PEX5L: variants seen among roughly 807,000 people sequenced by gnomAD.
The protein encoded by PEX5L is PEX5-related protein.
Under a neutral mutation model 84.0 loss-of-function variants are expected in PEX5L, and 30 were observed. That is an observed-to-expected ratio of 0.36 (90% CI 0.27 to 0.48). PEX5L has a LOEUF of 0.48. Among genes scored for constraint, PEX5L ranks in the 20% least tolerant of loss-of-function variants. PEX5L has a pLI of 0.99. For synonymous variants in PEX5L, 270 were observed against 283.1 expected (o/e 0.95, Z 0.46); for missense variants, 533 against 754.6 (o/e 0.71, Z 3.44).
At chr3:179,957,145 G>A (rs939670729) in intron 2 of PEX5L, among the ~76,000 whole-genome samples, 16 of 102,400 alleles carry the variant, frequency 1.6e-4, no homozygotes, top group African/African-American at 5.7e-4. Flanking sequence ...AATGCACACC[G>A]ACTGCGACTA....
chr3:179,876,594 A>C (rs1032854912), intron 5 of PEX5L, among the ~76,000 whole-genome samples: 1 of 152,126 alleles, frequency 6.6e-6, no homozygotes, highest in Non-Finnish European at 1.5e-5. Context: ...CAAATTGACC[A>C]CTTAAACCAT....
At chr3:179,848,936 A>G (rs1740702572) in intron 8 of PEX5L, among the ~76,000 whole-genome samples, 1 of 152,208 alleles carries the variant, frequency 6.6e-6, no homozygotes, top group African/African-American at 2.4e-5. Flanking sequence ...CATAGAATGG[A>G]GCAAGAATTG....
At chr3:179,828,064 C>T (rs1245983918) in intron 8 of PEX5L, among the ~76,000 whole-genome samples, 1 of 152,128 alleles carries the variant, frequency 6.6e-6, no homozygotes, top group Non-Finnish European at 1.5e-5. Context: ...ATCACCTGGC[C>T]TGCCTTCAGC....
intron 8 of PEX5L, among the ~76,000 whole-genome samples, chr3:179,854,500 A>G (rs1743155846): frequency 6.6e-6 from 1 of 152,210 alleles, no homozygotes; most frequent in Non-Finnish European, 1.5e-5. Flanking sequence ...TCTCTGACTG[A>G]CATCAAGACC....
At chr3:179,993,755 G>A (rs956103818) in intron 1 of PEX5L, among the ~76,000 whole-genome samples, 1 of 151,994 alleles carries the variant, frequency 6.6e-6, no homozygotes, top group East Asian at 1.9e-4. Flanking sequence ...TGCCCGCCTC[G>A]ACCTCCCAAA....
Position 179,801,069 on chromosome 3 carries a change from T to A in PEX5L, c.*759A>T, listed in dbSNP as rs1480892923. 6.6e-6 allele frequency: 1 copy of A among 152,646 alleles called. No individual in the cohort carries two copies. Among genetic ancestry groups the A allele is most frequent in the Non-Finnish European group, 1.5e-5 (1 of 68,040 alleles). The allele number at this position is 152,646 out of a possible 1,614,324, so 9.5% of individuals were successfully genotyped here. A position where few individuals can be genotyped will look rare whatever the true frequency, so the allele number is the denominator to read the frequency against. On this transcript the variant is annotated 3_prime_UTR_variant, in exon 15 of 15. Coordinates refer to ENST00000467460, the MANE Select transcript of PEX5L (RefSeq NM_016559.3). ...TTCAAAATCCTACACTATGAAAAACTGTCTTCAGGAATTGTTTATTTGGTC... is the reference window on the plus strand; with the variant it reads ...TTCAAAATCCTACACTATGAAAAACAGTCTTCAGGAATTGTTTATTTGGTC...
intron 3 of PEX5L, among the ~76,000 whole-genome samples, chr3:179,890,839 T>C (rs9836256): frequency 0.41 from 62,067 of 151,846 alleles, 13,164 homozygotes; most frequent in Non-Finnish European, 0.47. Flanking sequence ...AAAACTATAG[T>C]CTAAATTTGA....
At chr3:179,879,310 G>A (rs1753442654) in intron 5 of PEX5L, among the ~76,000 whole-genome samples, 1 of 152,214 alleles carries the variant, frequency 6.6e-6, no homozygotes, top group African/African-American at 2.4e-5. Context: ...GGGCTTTGAG[G>A]TTGACTAGAA....
Position 179,801,861 on chromosome 3 carries a change from A to G in PEX5L, c.1848T>C (p.Asp616=). ...CCAAGTTGAAAGCTCTTAAGAGGAC[A>G]TCCAGGTCACCAAGATTAGCCGCCT... ...LFQAANLGDL[D]VLLRAFNLDP Residue 616 remains aspartate, a synonymous_variant, in exon 15 of 15, where the codon GAT becomes GAC. Transcript: ENST00000467460. The G allele has an allele frequency of 6.2e-7, 1 of 1,613,828 alleles. No individual in the cohort carries two copies. The highest frequency in any genetic ancestry group is 8.5e-7 in the Non-Finnish European group (1 of 1,179,696).
At chr3:179,959,014 G>C (rs4855128) in intron 2 of PEX5L, among the ~76,000 whole-genome samples, 59,933 of 150,828 alleles carry the variant, frequency 0.4, 14,290 homozygotes, top group East Asian at 0.89. Context: ...ACGACAGAGC[G>C]AGACTCCATC....
intron 2 of PEX5L, among the ~76,000 whole-genome samples, chr3:179,967,217 G>A (rs1783562437): frequency 6.6e-6 from 1 of 152,144 alleles, no homozygotes; most frequent in Non-Finnish European, 1.5e-5. Context: ...AGAGCTATGT[G>A]AGGTGACAGA....
intron 8 of PEX5L, among the ~76,000 whole-genome samples, chr3:179,839,062 G>A (rs1327244899): frequency 2.0e-5 from 3 of 150,866 alleles, no homozygotes; most frequent in South Asian, 4.2e-4. Context: ...TTTTTTTTTC[G>A]GTAGAAAGAC....
chr3:179,953,356 G>A (rs1779624339), intron 2 of PEX5L, among the ~76,000 whole-genome samples: 1 of 152,100 alleles, frequency 6.6e-6, no homozygotes, highest in South Asian at 2.1e-4. Context: ...CTATCCATCT[G>A]ACGAAGGGCT....
rs369940902 is a variant in PEX5L, at chr3:179,827,559, ATAT to A, written c.823-7586_823-7584del. Among the ~76,000 whole-genome samples the A allele has an allele frequency of 9.7e-4, 148 of 152,254 alleles. 2 individuals are homozygous for A. The highest frequency in any genetic ancestry group is 3.3e-3 in the African/African-American group (136 of 41,540). ...AATTACAGAGTTTTGGGCAAAACAA[ATAT>A]TGTTGTTTTAAGCCACAGGTGTTGG... On this transcript the variant is annotated intron_variant, in intron 8 of 14. Coordinates refer to ENST00000467460, the MANE Select transcript of PEX5L (RefSeq NM_016559.3).
intron 1 of PEX5L, among the ~76,000 whole-genome samples, chr3:180,025,441 A>G (rs2110525704): frequency 6.6e-6 from 1 of 152,350 alleles, no homozygotes; most frequent in East Asian, 1.9e-4. Context: ...AGCTTACAAG[A>G]AGTTGGGGAG....
intron 2 of PEX5L, among the ~76,000 whole-genome samples, chr3:179,924,336 G>A (rs1162846635): frequency 5.3e-5 from 8 of 152,108 alleles, no homozygotes; most frequent in African/African-American, 1.9e-4. Flanking sequence ...CACCTTCTTG[G>A]GACGGGGTTC....
intron 2 of PEX5L, among the ~76,000 whole-genome samples, chr3:179,941,307 G>A (rs1030624356): frequency 6.6e-6 from 1 of 152,140 alleles, no homozygotes; most frequent in Admixed American, 6.5e-5. Context: ...TCCCCCAACT[G>A]GAATTCTGCA....
intron 1 of PEX5L, among the ~76,000 whole-genome samples, chr3:180,009,087 A>T (rs55647727): frequency 6.6e-6 from 1 of 152,050 alleles, no homozygotes; most frequent in African/African-American, 2.4e-5. Context: ...AGTTTTAAAA[A>T]AACTTATTTT....
rs764249005 is a variant in PEX5L at position 179,819,852 on chromosome 3, T to C, written c.939+8A>G. The C allele has an allele frequency of 2.4e-5, 38 of 1,613,186 alleles. No homozygotes were observed. The highest frequency in any genetic ancestry group is 2.7e-5 in the Non-Finnish European group (32 of 1,179,252). ...GTAGTCAGCATGTATAGGAACAGAA[T>C]TGGTTACCTTCTCACTAGCCGAGAT... is the stretch of plus-strand genomic sequence containing the variant. On this transcript the variant is annotated splice_region_variant and intron_variant, in intron 9 of 14. Coordinates refer to ENST00000467460, the MANE Select transcript of PEX5L (RefSeq NM_016559.3).
Sources: gnomAD v4.1 joint callset for allele counts (sites outside exome capture counted in the v4.1 genomes callset) on GRCh38, gnomAD v4.1.1 for gene constraint, MANE v1.5 for transcripts, NCBI Gene and HGNC (gene_info 2026-07-23, HGNC 2026-07-21) for gene names.